DLGAP2: variants seen among roughly 807,000 people sequenced by gnomAD.
DLGAP2 encodes disks large-associated protein 2.
A neutral mutation model predicts 100.3 loss-of-function variants in DLGAP2; 26 were observed. The ratio of observed to expected loss-of-function variants is 0.26; its 90% CI spans 0.19 to 0.36. The LOEUF is 0.36. Ranked by LOEUF, DLGAP2 falls within the 10% of genes least tolerant of loss-of-function variation. The pLI is 1.00. For missense variants in DLGAP2, 1,858 were observed against 1,453.2 expected, an observed-to-expected ratio of 1.28 and a Z score of -4.53; for synonymous variants, 886 against 630.1, an observed-to-expected ratio of 1.41 and a Z score of -6.08.
intron 2 of DLGAP2, among the ~76,000 whole-genome samples, chr8:909,521 T>C (rs1184910547): frequency 6.6e-6 from 1 of 152,144 alleles, no homozygotes; most frequent in African/African-American, 2.4e-5. Flanking sequence ...TGGAAAACAT[T>C]GCCAACTGAA....
intron 6 of DLGAP2, among the ~76,000 whole-genome samples, chr8:1,617,515 T>C (rs1197048593): frequency 6.6e-6 from 1 of 152,256 alleles, no homozygotes; most frequent in Non-Finnish European, 1.5e-5. Flanking sequence ...GTTGGCCACA[T>C]GTATGTCTTC....
chr8:1,318,421 T>C lies in DLGAP2; in HGVS notation c.106+59538T>C, dbSNP rs560219498. Among the ~76,000 whole-genome samples the C allele has an allele frequency of 6.9e-4, 104 of 151,288 alleles. 1 individual carries two copies. The South Asian group carries it at 0.022, about 32-fold the overall frequency. ...ACTGTCCATATCTAGTTCACCCAGA[T>C]TGTTAGTGACCTTCGTTTCTTCGTA... On this transcript the variant is annotated intron_variant, in intron 3 of 14. Transcript: ENST00000637795.
At chr8:752,153 T>G (rs1396133818) in intron 1 of DLGAP2, among the ~76,000 whole-genome samples, 1 of 152,166 alleles carries the variant, frequency 6.6e-6, no homozygotes, top group East Asian at 1.9e-4. Context: ...CCTTCTCCCT[T>G]CCCTGTGCTG....
intron 2 of DLGAP2, among the ~76,000 whole-genome samples, chr8:937,791 T>C (rs1799105368): frequency 1.3e-5 from 2 of 152,136 alleles, no homozygotes; most frequent in South Asian, 4.1e-4. Context: ...ATGTTCCCTG[T>C]CTAGGCCTCA....
At chr8:1,538,004 G>C (rs938714798) in intron 4 of DLGAP2, among the ~76,000 whole-genome samples, 4 of 152,156 alleles carry the variant, frequency 2.6e-5, no homozygotes, top group East Asian at 1.9e-4. Flanking sequence ...GAGAGCTGCT[G>C]TCCATGGTAA....
At position 1,669,677 on chromosome 8, in the gene DLGAP2, G is replaced by C. The variant is rs73672917; in HGVS notation, c.2161-66G>C. On this transcript the variant is annotated intron_variant, in intron 9 of 14. Coordinates refer to ENST00000637795, the MANE Select transcript of DLGAP2 (RefSeq NM_001346810.2). ...AGGCATGCGGGCGGAGAGAGCAGGG[G>C]AGCCGCCCGCTGGTCCAGGGCCTCC... The C allele has an allele frequency of 7.1e-3, 5,514 of 779,794 alleles. 219 individuals are homozygous for C. The African/African-American group carries it at 0.082, about 12-fold the overall frequency. The allele number at this position is 779,794 out of a possible 1,614,324, so 48.3% of individuals were successfully genotyped here.
intron 2 of DLGAP2, among the ~76,000 whole-genome samples, chr8:1,111,543 C>T (rs995042111): frequency 1.3e-5 from 2 of 152,022 alleles, no homozygotes; most frequent in South Asian, 2.1e-4. Flanking sequence ...TTTCATGGTC[C>T]CCTCCCCGCT....
At chr8:1,104,035 A>T (rs1804672845) in intron 2 of DLGAP2, among the ~76,000 whole-genome samples, 1 of 152,186 alleles carries the variant, frequency 6.6e-6, no homozygotes, top group African/African-American at 2.4e-5. Flanking sequence ...TGCTTGTGGG[A>T]CACAGGATTG....
In DLGAP2 at chr8:796,554, G is replaced by A. The variant is rs117659841; in HGVS notation, c.18+58729G>A. Reference sequence around the variant, plus strand: ...CTCCCCATGCCACTCCCTTTGCTCAGGTGCTTACTGGCCTTCCTTGGTCTG... The same window carrying A: ...CTCCCCATGCCACTCCCTTTGCTCAAGTGCTTACTGGCCTTCCTTGGTCTG... On this transcript the variant is annotated intron_variant, in intron 1 of 14. Transcript: ENST00000637795. 3.9e-3 allele frequency among the ~76,000 whole-genome samples: 596 copies of A among 152,284 alleles called. 1 individual carries two copies. The highest frequency in any genetic ancestry group is 6.8e-3 in the Middle Eastern group (2 of 294).
At chr8:1,230,467 A>G (rs969227704) in intron 2 of DLGAP2, among the ~76,000 whole-genome samples, 2 of 152,334 alleles carry the variant, frequency 1.3e-5, no homozygotes, top group Middle Eastern at 3.4e-3. Flanking sequence ...TGCTATTCCT[A>G]TCAAACTACC....
At chr8:1,009,062 G>C (rs1801203792) in intron 2 of DLGAP2, among the ~76,000 whole-genome samples, 1 of 152,220 alleles carries the variant, frequency 6.6e-6, no homozygotes, top group South Asian at 2.1e-4. Context: ...TGGGGGCCCT[G>C]ATGGGGGGCA....
In DLGAP2 at chr8:1,657,740, T is replaced by C. The variant is rs543244768; in HGVS notation, c.1811-10589T>C. Among the ~76,000 whole-genome samples, 8 of 152,330 alleles carry C rather than the reference T, an allele frequency of 5.3e-5. No individual in the cohort carries two copies. In the East Asian group the frequency reaches 9.6e-4, roughly 18 times the overall value. On this transcript the variant is annotated intron_variant, in intron 8 of 14. Transcript: ENST00000637795. ...ATGTTAATCTCTATATCAAAATCAT[T>C]TTATGTACTGCAATTTTTATTTAAC...
intron 3 of DLGAP2, among the ~76,000 whole-genome samples, chr8:1,326,100 T>A (rs573659881): frequency 6.6e-6 from 1 of 152,346 alleles, no homozygotes; most frequent in African/African-American, 2.4e-5. Context: ...TTTTTTCTTC[T>A]TCGATGGTTT....
At chr8:1,242,806 G>A (rs1032744505) in intron 2 of DLGAP2, among the ~76,000 whole-genome samples, 3 of 151,886 alleles carry the variant, frequency 2.0e-5, no homozygotes, top group African/African-American at 4.9e-5. Flanking sequence ...ATGGATGGAC[G>A]GATGGATGGA....
chr8:1,127,407 G>A (rs1294817570), intron 2 of DLGAP2, among the ~76,000 whole-genome samples: 1 of 152,056 alleles, frequency 6.6e-6, no homozygotes, highest in African/African-American at 2.4e-5. Flanking sequence ...TTCACGTGTA[G>A]AGGTCCCTTC....
chr8:1,197,549 C>G (rs933957519), intron 2 of DLGAP2, among the ~76,000 whole-genome samples: 16 of 152,176 alleles, frequency 1.1e-4, no homozygotes, highest in African/African-American at 3.4e-4. Context: ...CTGAGCTACA[C>G]CAACATGTAG....
intron 2 of DLGAP2, among the ~76,000 whole-genome samples, chr8:1,158,751 G>T (rs1796838458): frequency 2.6e-5 from 4 of 152,200 alleles, no homozygotes; most frequent in Admixed American, 2.0e-4. Context: ...GTGGCTCCGA[G>T]TCACACAGAC....
At chr8:1,160,001 G>A (rs1014907927) in intron 2 of DLGAP2, among the ~76,000 whole-genome samples, 1 of 152,172 alleles carries the variant, frequency 6.6e-6, no homozygotes, top group Admixed American at 6.5e-5. Context: ...TTAAGTGTGA[G>A]GAGGCAGCAC....
chr8:822,687 C>G (rs898079557), intron 1 of DLGAP2, among the ~76,000 whole-genome samples: 8 of 152,216 alleles, frequency 5.3e-5, no homozygotes, highest in African/African-American at 1.9e-4. Context: ...TTTCCAGTGG[C>G]TTTCAAAGAG....
Sources: gnomAD v4.1 joint callset for allele counts (sites outside exome capture counted in the v4.1 genomes callset) on GRCh38, gnomAD v4.1.1 for gene constraint, MANE v1.5 for transcripts, NCBI Gene and HGNC (gene_info 2026-07-23, HGNC 2026-07-21) for gene names.